KDM4C: variants seen among roughly 807,000 people sequenced by gnomAD.
KDM4C encodes lysine demethylase 4C, also known as lysine-specific demethylase 4C.
A neutral mutation model predicts 129.3 loss-of-function variants in KDM4C; 81 were observed. The observed-to-expected ratio is 0.63, with a 90% CI of 0.52 to 0.75. The LOEUF is 0.75. Among genes scored for constraint, KDM4C ranks in the 30% least tolerant of loss-of-function variants. KDM4C has a pLI of 0.00. For synonymous variants in KDM4C, 573 were observed against 456.1 expected (o/e 1.26, Z -3.26); for missense variants, 1,457 against 1,304.0 (o/e 1.12, Z -1.81).
intron 15 of KDM4C, among the ~76,000 whole-genome samples, chr9:7,019,788 A>ATTATATTTTTATATATAAAAATATAATAT (rs1563993585): frequency 2.1e-5 from 3 of 144,514 alleles, no homozygotes; most frequent in African/African-American, 5.1e-5. Context: ...ATATAAAAAT[A>ATTATATTTTTATATATAAAAATATAATAT]TTTTAGAAGC....
intron 19 of KDM4C, among the ~76,000 whole-genome samples, chr9:7,142,876 C>CGTGT (rs1841890377): frequency 6.8e-6 from 1 of 146,394 alleles, no homozygotes; most frequent in African/African-American, 2.5e-5. Flanking sequence ...TGTGTGTGTA[C>CGTGT]ACACAATGTA....
In KDM4C at chr9:6,747,455, G is replaced by GGAGAATA. The variant is rs1260578031; in HGVS notation, c.49+26460_49+26466dup. Among the ~76,000 whole-genome samples, 3 of 149,272 alleles carry GGAGAATA rather than the reference G, an allele frequency of 2.0e-5. No homozygotes were observed. In the South Asian group the frequency reaches 6.3e-4, roughly 31 times the overall value. ...CCCAACTACTCCGGAGGCTGAGGCA[G>GGAGAATA]GAGAATAGTGTGAACTCAGGAGGCA... On this transcript the variant is annotated intron_variant, in intron 1 of 17. Coordinates refer to the KDM4C transcript ENST00000536108.
At chr9:6,933,680 C>T (rs1029594541) in intron 8 of KDM4C, among the ~76,000 whole-genome samples, 1 of 152,078 alleles carries the variant, frequency 6.6e-6, no homozygotes, top group Non-Finnish European at 1.5e-5. Context: ...TTCTAATACA[C>T]ATGTAAGACA....
intron 18 of KDM4C, among the ~76,000 whole-genome samples, chr9:7,118,247 A>G (rs1839127753): frequency 6.6e-6 from 1 of 152,274 alleles, no homozygotes; most frequent in South Asian, 2.1e-4. Flanking sequence ...TATGTTTGTA[A>G]TTAAAAACCC....
chr9:6,843,846 G>C (rs765533349), intron 4 of KDM4C, among the ~76,000 whole-genome samples: 1 of 152,052 alleles, frequency 6.6e-6, no homozygotes, highest in Non-Finnish European at 1.5e-5. Context: ...TGTAATATTT[G>C]ATGGACATGC....
At chr9:6,971,720 TC>T (rs1297806295) in intron 8 of KDM4C, among the ~76,000 whole-genome samples, 1 of 152,172 alleles carries the variant, frequency 6.6e-6, no homozygotes, top group Non-Finnish European at 1.5e-5. Flanking sequence ...AAGGCAGACT[TC>T]CCCCATGTAG....
intron 8 of KDM4C, among the ~76,000 whole-genome samples, chr9:6,919,137 C>T (rs534649346): frequency 6.6e-6 from 1 of 152,240 alleles, no homozygotes; most frequent in South Asian, 2.1e-4. Flanking sequence ...AGGTGTGAGC[C>T]ACCACGCCCA....
At chr9:7,076,572 G>A (rs1833945086) in intron 17 of KDM4C, 1 of 1,510,608 alleles carries the variant, frequency 6.6e-7, no homozygotes, top group Non-Finnish European at 8.8e-7. Context: ...TTCTCCATGG[G>A]AGCAGCCAGC....
intron 17 of KDM4C, chr9:7,077,325 A>C (rs527931305): frequency 1.5e-6 from 1 of 665,366 alleles, no homozygotes; most frequent in East Asian, 1.4e-4. Flanking sequence ...TATAGTTGTC[A>C]TCCTATGCCC....
intron 19 of KDM4C, among the ~76,000 whole-genome samples, chr9:7,140,415 G>C (rs1314339790): frequency 6.6e-5 from 10 of 152,208 alleles, no homozygotes; most frequent in African/African-American, 2.4e-4. Flanking sequence ...GTGTCTAAGA[G>C]TAGGTTCCCT....
At chr9:6,757,897 C>G (rs1818530650), upstream of KDM4C, 2 of 985,440 alleles carry the variant, frequency 2.0e-6, no homozygotes. Context: ...CACCTTTAAG[C>G]TGTTTGTAAG....
chr9:7,010,169 G>A (rs1416842856), intron 12 of KDM4C, among the ~76,000 whole-genome samples: 15 of 152,076 alleles, frequency 9.9e-5, no homozygotes, highest in Admixed American at 9.8e-4. Flanking sequence ...TTGCTATTAT[G>A]GTGAGGCCAA....
At chr9:6,961,077 G>A (rs767169024) in intron 8 of KDM4C, among the ~76,000 whole-genome samples, 1 of 152,202 alleles carries the variant, frequency 6.6e-6, no homozygotes, top group South Asian at 2.1e-4. Flanking sequence ...TAAACACCAT[G>A]TAGTGCCTCT....
intron 15 of KDM4C, among the ~76,000 whole-genome samples, chr9:7,033,977 T>G (rs556471698): frequency 6.6e-6 from 1 of 151,970 alleles, no homozygotes; most frequent in Non-Finnish European, 1.5e-5. Flanking sequence ...TGGCAAAAAT[T>G]AATTCAGTGA....
At chr9:6,919,197 C>T (rs1820879310) in intron 8 of KDM4C, among the ~76,000 whole-genome samples, 1 of 141,866 alleles carries the variant, frequency 7.0e-6, no homozygotes, top group African/African-American at 2.6e-5. Context: ...TTTTAAGTTT[C>T]TTACAGATTC....
chr9:7,103,645 A>G lies in KDM4C; in HGVS notation c.2425-40A>G, dbSNP rs1248035603. ...AAATTGTGGGAACTGACTGGGTTAC[A>G]GAATGTGAATTGATGTTCTTCTCTG... is the stretch of plus-strand genomic sequence containing the variant. On this transcript the variant is annotated intron_variant, in intron 17 of 21. Transcript: ENST00000381309. 4 of 1,529,854 alleles carry G rather than the reference A, an allele frequency of 2.6e-6. No individual in the cohort carries two copies. In the East Asian group the frequency reaches 6.8e-5, roughly 26 times the overall value. The allele number at this position is 1,529,854 out of a possible 1,614,324, so 94.8% of individuals were successfully genotyped here.
chr9:7,004,488 A>G (rs1364222540), intron 12 of KDM4C, among the ~76,000 whole-genome samples: 1 of 152,204 alleles, frequency 6.6e-6, no homozygotes, highest in Non-Finnish European at 1.5e-5. Context: ...ATTATATTAT[A>G]TTCAACTAAT....
At chr9:6,764,471 G>A (rs1383807349) in intron 1 of KDM4C, among the ~76,000 whole-genome samples, 1 of 152,158 alleles carries the variant, frequency 6.6e-6, no homozygotes, top group Non-Finnish European at 1.5e-5. Flanking sequence ...CATAGTAGTG[G>A]ATACATTTCT....
intron 4 of KDM4C, chr9:6,835,417 A>G: frequency 8.6e-7 from 1 of 1,163,486 alleles, no homozygotes; most frequent in East Asian, 2.4e-5. Flanking sequence ...CCTGGCGCCC[A>G]GCACGATGAA....
Sources: allele counts gnomAD v4.1 joint callset (sites outside exome capture counted in the v4.1 genomes callset), GRCh38; gene constraint gnomAD v4.1.1; transcripts MANE v1.5; gene names NCBI Gene and HGNC (gene_info 2026-07-23, HGNC 2026-07-21).